Variants in DOCK3 observed in about 807,000 individuals in gnomAD.
The protein encoded by DOCK3 is dedicator of cytokinesis 3.
In DOCK3, 60 loss-of-function variants were observed where a neutral mutation model predicts 265.6. The observed-to-expected ratio is 0.23, with a 90% CI of 0.18 to 0.28. The LOEUF (loss-of-function observed/expected upper bound fraction) is 0.28. Ranked by LOEUF, DOCK3 falls within the 10% of genes least tolerant of loss-of-function variation. The probability of loss-of-function intolerance (pLI) is 1.00; values close to 1 mark genes in which losing one functional copy is unlikely to be tolerated. For missense variants in DOCK3, 1,981 were observed against 2,594.3 expected (o/e 0.76, Z 5.14); for synonymous variants, 881 against 938.0 (o/e 0.94, Z 1.11).
chr3:50,985,578 T>A (rs534943937), intron 5 of DOCK3, among the ~76,000 whole-genome samples: 1 of 152,240 alleles, frequency 6.6e-6, no homozygotes, highest in East Asian at 1.9e-4. Context: ...ATTTATTTGT[T>A]GAACAGGCAG....
intron 19 of DOCK3, among the ~76,000 whole-genome samples, chr3:51,233,312 TTCTTTCTATCTA>T (rs138821903): frequency 9.4e-4 from 59 of 62,938 alleles, no homozygotes; most frequent in African/African-American, 1.9e-3. Context: ...GCAGTATTCT[TTCTTTCTATCTA>T]TCTATCTATC....
At chr3:51,249,450 G>A (rs2079057311) in intron 22 of DOCK3, among the ~76,000 whole-genome samples, 1 of 120,438 alleles carries the variant, frequency 8.3e-6, no homozygotes, top group African/African-American at 3.2e-5. Flanking sequence ...CGCCCCTACT[G>A]GGAAGTGAGG....
chr3:51,326,059 T>TA (rs3074621), intron 32 of DOCK3, among the ~76,000 whole-genome samples: 38 of 146,350 alleles, frequency 2.6e-4, no homozygotes, highest in African/African-American at 8.3e-4. Flanking sequence ...CCTAAAGTAT[T>TA]AAAAAAAAAA....
At chr3:51,249,140 G>A (rs546445967) in intron 22 of DOCK3, among the ~76,000 whole-genome samples, 27 of 136,464 alleles carry the variant, frequency 2.0e-4, no homozygotes, top group East Asian at 8.7e-4. Flanking sequence ...CGCCCCGTCC[G>A]GGAGGGAGGT....
chr3:50,901,124 G>A (rs1446542834), intron 4 of DOCK3: 2 of 239,342 alleles, frequency 8.4e-6, no homozygotes, highest in Non-Finnish European at 1.7e-5. Context: ...GGAGTTTGAT[G>A]TATAAGCCCC....
rs760993903 is a variant in DOCK3 at position 51,312,544 on chromosome 3, C to T, written c.3162C>T (p.Ile1054=). Residue 1054 remains isoleucine, a synonymous_variant, in exon 30 of 53, where the codon ATC becomes ATT. Coordinates refer to ENST00000266037, the MANE Select transcript of DOCK3 (RefSeq NM_004947.5). The part of the protein sequence containing the change: ...INQPSLQLEI[I]TSAKRKKILD... ...AGCCAAGCCTTCAGCTAGAAATTAT[C>T]ACCTCAGCCAAAAGGAAGAAGATTC... The T allele has an allele frequency of 6.3e-7, 1 of 1,595,198 alleles. No individual in the cohort carries two copies. Among genetic ancestry groups the T allele is most frequent in the South Asian group, 1.1e-5 (1 of 87,688 alleles).
intron 2 of DOCK3, among the ~76,000 whole-genome samples, chr3:50,793,029 G>T (rs945114429): frequency 6.6e-6 from 1 of 152,166 alleles, no homozygotes; most frequent in Non-Finnish European, 1.5e-5. Flanking sequence ...CTGTGAATTT[G>T]TCTGGTCCTT....
chr3:51,044,473 A>G (rs748331242), intron 5 of DOCK3, among the ~76,000 whole-genome samples: 3 of 151,976 alleles, frequency 2.0e-5, no homozygotes. Flanking sequence ...AAAAACGACT[A>G]ATGGGTACTA....
intron 46 of DOCK3, among the ~76,000 whole-genome samples, chr3:51,358,376 C>T (rs1384368824): frequency 6.6e-6 from 1 of 152,196 alleles, no homozygotes; most frequent in African/African-American, 2.4e-5. Context: ...AGGAAGAGAG[C>T]TAACATATAT....
chr3:50,808,437 A>G (rs1342054215), intron 2 of DOCK3, among the ~76,000 whole-genome samples: 1 of 152,194 alleles, frequency 6.6e-6, no homozygotes, highest in Non-Finnish European at 1.5e-5. Context: ...TAGAGGACTT[A>G]TGGTACCAGA....
At position 50,886,377 on chromosome 3, in the gene DOCK3, G is replaced by A. The variant is rs549905446; in HGVS notation, c.163-3649G>A. Among the ~76,000 whole-genome samples the A allele has an allele frequency of 5.3e-5, 8 of 151,540 alleles. No individual in the cohort carries two copies. In the South Asian group the frequency reaches 1.0e-3, roughly 20 times the overall value. On this transcript the variant is annotated intron_variant, in intron 3 of 52. Transcript: ENST00000266037. Reference sequence around the variant, plus strand: ...ATAGTCATCATTTAGCTATGGTTACGTGCAGTTGCTTTTTAAATCCTTTTT... The same window carrying A: ...ATAGTCATCATTTAGCTATGGTTACATGCAGTTGCTTTTTAAATCCTTTTT...
chr3:50,699,736 G>T (rs1025372376), intron 1 of DOCK3, among the ~76,000 whole-genome samples: 2 of 152,166 alleles, frequency 1.3e-5, no homozygotes, highest in Non-Finnish European at 2.9e-5. Flanking sequence ...CAAGAGGCTT[G>T]CAGTCAAGCC....
chr3:51,213,110 T>G (rs2089604141), intron 13 of DOCK3, among the ~76,000 whole-genome samples: 1 of 152,100 alleles, frequency 6.6e-6, no homozygotes, highest in South Asian at 2.1e-4. Flanking sequence ...TATTTTACAA[T>G]TCTGCTTGTT....
intron 9 of DOCK3, among the ~76,000 whole-genome samples, chr3:51,130,317 G>T (rs1000415682): frequency 5.9e-5 from 9 of 152,240 alleles, no homozygotes; most frequent in Non-Finnish European, 1.3e-4. Context: ...CAAAGCCAGA[G>T]AGTTGATATA....
chr3:51,038,600 T>C (rs1019665282), intron 5 of DOCK3, among the ~76,000 whole-genome samples: 1 of 152,376 alleles, frequency 6.6e-6, no homozygotes, highest in East Asian at 1.9e-4. Flanking sequence ...ACAGTGTTGG[T>C]AAGGCCAGTG....
At chr3:51,155,634 C>T (rs2085809742) in intron 10 of DOCK3, among the ~76,000 whole-genome samples, 1 of 152,182 alleles carries the variant, frequency 6.6e-6, no homozygotes, top group Admixed American at 6.5e-5. Context: ...ACATTAAAGT[C>T]ACATTATTTG....
chr3:51,167,850 C>T, intron 12 of DOCK3, among the ~76,000 whole-genome samples: 1 of 152,002 alleles, frequency 6.6e-6, no homozygotes. Flanking sequence ...AATCTTTAGG[C>T]TTTTTATATG....
At chr3:50,995,335 G>A (rs913489350) in intron 5 of DOCK3, among the ~76,000 whole-genome samples, 20 of 152,310 alleles carry the variant, frequency 1.3e-4, no homozygotes, top group Admixed American at 1.1e-3. Context: ...TTTAATCAGT[G>A]CCACTTACAA....
chr3:51,342,577 AC>A (rs2085311937), intron 38 of DOCK3, among the ~76,000 whole-genome samples: 1 of 152,242 alleles, frequency 6.6e-6, no homozygotes, highest in African/African-American at 2.4e-5. Context: ...TGGTGTGAGT[AC>A]GCATGTGTGC....
Sources: gnomAD v4.1 joint callset for allele counts (sites outside exome capture counted in the v4.1 genomes callset) on GRCh38, gnomAD v4.1.1 for gene constraint, MANE v1.5 for transcripts, NCBI Gene and HGNC (gene_info 2026-07-23, HGNC 2026-07-21) for gene names.